The following CNBD1 variants were observed in gnomAD, a reference collection of about 807,000 sequenced individuals.
CNBD1 encodes the protein cyclic nucleotide binding domain containing 1.
CNBD1 carries 71 observed loss-of-function variants against 54.4 expected under a neutral mutation model. The observed-to-expected ratio is 1.30, with a 90% CI of 1.08 to 1.59. The LOEUF (loss-of-function observed/expected upper bound fraction) is 1.59. CNBD1 is among the 40% of genes most tolerant of loss of function. The pLI, the probability that CNBD1 is intolerant of heterozygous loss-of-function variation, is 0.00. For missense variants in CNBD1, 659 were observed against 518.0 expected (o/e 1.27, Z -2.64); for synonymous variants, 182 against 170.7 (o/e 1.07, Z -0.51).
intron 4 of CNBD1, among the ~76,000 whole-genome samples, chr8:87,157,234 A>G (rs1172784123): frequency 1.3e-5 from 2 of 152,172 alleles, no homozygotes; most frequent in African/African-American, 4.8e-5. Flanking sequence ...TTCTTTTATA[A>G]TCTACTTTTT....
At chr8:87,276,991 T>G (rs1808495118) in intron 6 of CNBD1, among the ~76,000 whole-genome samples, 1 of 151,166 alleles carries the variant, frequency 6.6e-6, no homozygotes, top group South Asian at 2.1e-4. Flanking sequence ...TTTTTTTTTT[T>G]GAAATACACA....
intron 6 of CNBD1, among the ~76,000 whole-genome samples, chr8:87,241,790 GT>G (rs1807713744): frequency 6.6e-6 from 1 of 152,040 alleles, no homozygotes; most frequent in African/African-American, 2.4e-5. Flanking sequence ...ATACTTATTT[GT>G]GATCATTTTG....
At chr8:87,003,502 T>C (rs1809034365) in intron 4 of CNBD1, among the ~76,000 whole-genome samples, 1 of 152,246 alleles carries the variant, frequency 6.6e-6, no homozygotes, top group Admixed American at 6.5e-5. Context: ...GGCATGTTAC[T>C]TAAATATTGT....
chr8:87,184,159 C>G (rs947469895), intron 4 of CNBD1, among the ~76,000 whole-genome samples: 1 of 152,156 alleles, frequency 6.6e-6, no homozygotes, highest in South Asian at 2.1e-4. Flanking sequence ...ATGCTGCAGG[C>G]AGGTTTGTGC....
rs1464938386 is a variant in CNBD1, at chr8:86,887,542, A to T, written c.89A>T (p.Asn30Ile). 1 of 1,551,100 alleles carries T rather than the reference A, an allele frequency of 6.4e-7. No homozygotes were observed. Among genetic ancestry groups the T allele is most frequent in the Non-Finnish European group, 8.7e-7 (1 of 1,144,064 alleles). Reference protein sequence around the residue: ...VPPPPLHSIPNLKKSKHINYG... With the variant: ...VPPPPLHSIPILKKSKHINYG... ...AAATTTTTAATTGATTTTTTTTCAG[A>T]CTTGAAAAAGTCTAAGCACATTAAT... The change falls in exon 2 of 11, where the codon AAC (asparagine) becomes ATC (isoleucine). Residue 30 changes from asparagine to isoleucine, a missense_variant and splice_region_variant. Transcript: ENST00000518476.
chr8:87,425,389 G>A (rs1808027460), intron 2 of CNBD1, among the ~76,000 whole-genome samples: 1 of 152,250 alleles, frequency 6.6e-6, no homozygotes, highest in South Asian at 2.1e-4. Flanking sequence ...GAGGAGGAGA[G>A]GCGCTCTGAT....
chr8:86,985,314 G>T (rs931668174), intron 4 of CNBD1, among the ~76,000 whole-genome samples: 40 of 152,034 alleles, frequency 2.6e-4, no homozygotes, highest in Admixed American at 1.0e-3. Flanking sequence ...AATACATTAA[G>T]GTTTGGGTTA....
At chr8:87,316,259 G>T (rs1291104784) in intron 8 of CNBD1, among the ~76,000 whole-genome samples, 2 of 151,962 alleles carry the variant, frequency 1.3e-5, no homozygotes, top group African/African-American at 2.4e-5. Context: ...TCTCAAGGAG[G>T]TGAAGAGAAA....
intron 4 of CNBD1, among the ~76,000 whole-genome samples, chr8:86,993,272 A>T (rs1370738808): frequency 6.6e-6 from 1 of 151,402 alleles, no homozygotes; most frequent in East Asian, 2.0e-4. Flanking sequence ...TGAATACATT[A>T]TGAACATTTT....
At chr8:87,367,947 G>A (rs1237588879) in intron 10 of CNBD1, among the ~76,000 whole-genome samples, 2 of 152,010 alleles carry the variant, frequency 1.3e-5, no homozygotes, top group African/African-American at 2.4e-5. Context: ...AGAGGCAGGT[G>A]GATCACGAGG....
chr8:87,318,709 G>C (rs1809453636), intron 8 of CNBD1, among the ~76,000 whole-genome samples: 1 of 151,814 alleles, frequency 6.6e-6, no homozygotes, highest in Non-Finnish European at 1.5e-5. Context: ...AGGAGATGGG[G>C]AGGGGGGGCA....
chr8:87,388,745 A>G (rs1811246164), intron 2 of CNBD1, among the ~76,000 whole-genome samples: 1 of 152,204 alleles, frequency 6.6e-6, no homozygotes, highest in African/African-American at 2.4e-5. Context: ...TCCCTAACTC[A>G]TTTTATGAGG....
At chr8:87,415,601 A>G (rs1807822109) in intron 2 of CNBD1, among the ~76,000 whole-genome samples, 1 of 151,996 alleles carries the variant, frequency 6.6e-6, no homozygotes, top group East Asian at 1.9e-4. Context: ...AATTCCTGAA[A>G]CTTGTCCTGG....
chr8:86,958,394 C>A (rs1035826165), intron 4 of CNBD1, among the ~76,000 whole-genome samples: 4 of 152,156 alleles, frequency 2.6e-5, no homozygotes, highest in Non-Finnish European at 4.4e-5. Context: ...CATTAACTTC[C>A]TGTCTTGTTG....
chr8:87,074,652 C>T (rs1810829913), intron 4 of CNBD1, among the ~76,000 whole-genome samples: 2 of 152,238 alleles, frequency 1.3e-5, no homozygotes, highest in Non-Finnish European at 1.5e-5. Flanking sequence ...ACACAATCAC[C>T]TGCTGCTTCC....
intron 2 of CNBD1, chr8:87,428,440 T>G (rs1808086949): frequency 6.6e-6 from 2 of 302,696 alleles, no homozygotes; most frequent in Non-Finnish European, 1.3e-5. Context: ...AAATTTAATT[T>G]TGTCTACTAT....
At chr8:87,231,658 T>G (rs1338297488) in intron 5 of CNBD1, among the ~76,000 whole-genome samples, 2 of 152,208 alleles carry the variant, frequency 1.3e-5, no homozygotes, top group African/African-American at 4.8e-5. Context: ...TTTTCTCCAC[T>G]ATATTTGCAT....
intron 2 of CNBD1, among the ~76,000 whole-genome samples, chr8:87,404,614 T>C (rs1383059896): frequency 6.6e-6 from 1 of 152,130 alleles, no homozygotes; most frequent in Non-Finnish European, 1.5e-5. Context: ...TTCTTTTTGT[T>C]CGTTTATGTC....
chr8:87,072,773 T>C (rs1044355087), intron 4 of CNBD1, among the ~76,000 whole-genome samples: 2 of 151,922 alleles, frequency 1.3e-5, no homozygotes. Flanking sequence ...GGGAACCTGA[T>C]GATTATGTGT....
Sources: gnomAD v4.1 joint callset for allele counts (sites outside exome capture counted in the v4.1 genomes callset) on GRCh38, gnomAD v4.1.1 for gene constraint, MANE v1.5 for transcripts, NCBI Gene and HGNC (gene_info 2026-07-23, HGNC 2026-07-21) for gene names.